CSMD1: variants seen among roughly 807,000 people sequenced by gnomAD.
CSMD1 encodes the protein CUB and Sushi multiple domains 1.
Under a neutral mutation model 417.5 loss-of-function variants are expected in CSMD1, and 213 were observed. The ratio of observed to expected loss-of-function variants is 0.51; its 90% CI spans 0.46 to 0.57. The LOEUF (loss-of-function observed/expected upper bound fraction) is 0.57, where lower values mean the gene tolerates loss of function less well. Ranked by LOEUF, CSMD1 falls within the 20% of genes least tolerant of loss-of-function variation. The probability of loss-of-function intolerance (pLI) is 0.00; values close to 1 mark genes in which losing one functional copy is unlikely to be tolerated. For missense variants in CSMD1, 6,923 were observed against 4,529.7 expected (o/e 1.53, Z -15.17); for synonymous variants, 2,862 against 1,736.8 (o/e 1.65, Z -16.11).
chr8:4,288,351 C>G (rs372125417), intron 3 of CSMD1, among the ~76,000 whole-genome samples: 7 of 152,246 alleles, frequency 4.6e-5, no homozygotes, highest in African/African-American at 1.7e-4. Flanking sequence ...TTTTCTTAAG[C>G]AAACCTTAAT....
chr8:3,599,266 C>T (rs1485025070), intron 8 of CSMD1, among the ~76,000 whole-genome samples: 1 of 151,858 alleles, frequency 6.6e-6, no homozygotes, highest in Non-Finnish European at 1.5e-5. Context: ...TGAATGTATC[C>T]ACCTCCTCAT....
chr8:4,019,607 A>T (rs1307956417), intron 4 of CSMD1, among the ~76,000 whole-genome samples: 1 of 152,150 alleles, frequency 6.6e-6, no homozygotes, highest in African/African-American at 2.4e-5. Context: ...TTGTTGTCAG[A>T]AGACAAGTGA....
intron 2 of CSMD1, among the ~76,000 whole-genome samples, chr8:4,467,233 G>A (rs550672166): frequency 6.6e-6 from 1 of 152,078 alleles, no homozygotes; most frequent in East Asian, 1.9e-4. Flanking sequence ...AAAGCTCCCA[G>A]GGACACATTC....
intron 18 of CSMD1, among the ~76,000 whole-genome samples, chr8:3,380,810 C>G (rs1810582397): frequency 6.6e-6 from 1 of 151,612 alleles, no homozygotes; most frequent in South Asian, 2.1e-4. Context: ...TTGTTGGGTG[C>G]AGCAAAACAC....
At chr8:4,736,504 C>G (rs552596092) in intron 1 of CSMD1, among the ~76,000 whole-genome samples, 5 of 152,080 alleles carry the variant, frequency 3.3e-5, no homozygotes, top group Non-Finnish European at 7.4e-5. Context: ...AACTCAGATA[C>G]TCAAGCATAC....
chr8:3,124,542 TAG>T (rs1817385958), intron 41 of CSMD1, among the ~76,000 whole-genome samples: 2 of 152,178 alleles, frequency 1.3e-5, no homozygotes, highest in South Asian at 4.1e-4. Context: ...GTTCTAAACA[TAG>T]AAAGAGTTCA....
At chr8:4,964,348 AC>A (rs1297099703) in intron 1 of CSMD1, among the ~76,000 whole-genome samples, 1 of 151,768 alleles carries the variant, frequency 6.6e-6, no homozygotes, top group African/African-American at 2.4e-5. Flanking sequence ...TCCCATTTCT[AC>A]AAAAAGTACA....
At chr8:3,843,394 T>C (rs1484214751) in intron 5 of CSMD1, among the ~76,000 whole-genome samples, 2 of 152,194 alleles carry the variant, frequency 1.3e-5, no homozygotes, top group Admixed American at 1.3e-4. Context: ...TAAGCAAAGA[T>C]ATTTCAGATA....
At chr8:3,918,818 C>G (rs1250241235) in intron 5 of CSMD1, among the ~76,000 whole-genome samples, 2 of 151,884 alleles carry the variant, frequency 1.3e-5, no homozygotes, top group Non-Finnish European at 2.9e-5. Context: ...TAAATGGGAG[C>G]CAAACTATGA....
chr8:3,189,001 A>G lies in CSMD1; in HGVS notation c.5409T>C (p.Ser1803=). 6.2e-7 allele frequency: 1 copy of G among 1,612,558 alleles called. No individual in the cohort carries two copies. The highest frequency in any genetic ancestry group is 8.5e-7 in the Non-Finnish European group (1 of 1,179,134). Residue 1803 remains serine (S), a synonymous_variant, in exon 35 of 70, where the codon AGT becomes AGC. Coordinates refer to ENST00000635120, the MANE Select transcript of CSMD1 (RefSeq NM_033225.6). The part of the protein sequence containing the change: ...DTIPSCVVPC[S]GNFTQRRGTI... ...TACCTCTTCGTTGAGTGAAATTGCCACTGCAGGGTACTAAAAGACACAACC... is the reference window on the plus strand; with the variant it reads ...TACCTCTTCGTTGAGTGAAATTGCCGCTGCAGGGTACTAAAAGACACAACC...
chr8:3,977,153 T>C lies in CSMD1; in HGVS notation c.818+20750A>G, dbSNP rs1052812305. On this transcript the variant is annotated intron_variant, in intron 5 of 69. Coordinates refer to ENST00000635120, the MANE Select transcript of CSMD1 (RefSeq NM_033225.6). ...TGAAACTTTCATGATGAACATTTTC[T>C]CAATCTCTTGGGCTGAAGCAATCTT... 7.9e-5 allele frequency among the ~76,000 whole-genome samples: 12 copies of C among 152,320 alleles called. 1 individual carries two copies. The highest frequency in any genetic ancestry group is 6.8e-3 in the Middle Eastern group (2 of 294).
chr8:4,746,892 G>C (rs918631524), intron 1 of CSMD1, among the ~76,000 whole-genome samples: 4 of 152,188 alleles, frequency 2.6e-5, no homozygotes, highest in Non-Finnish European at 2.9e-5. Context: ...AATTGACTTA[G>C]ATCATAAAAG....
At chr8:4,648,791 C>A (rs747785586) in intron 1 of CSMD1, among the ~76,000 whole-genome samples, 1 of 152,110 alleles carries the variant, frequency 6.6e-6, no homozygotes, top group South Asian at 2.1e-4. Context: ...CATCAGATGC[C>A]GGCTGATGCC....
At chr8:3,531,553 G>T (rs934362225) in intron 10 of CSMD1, among the ~76,000 whole-genome samples, 2 of 152,190 alleles carry the variant, frequency 1.3e-5, no homozygotes, top group East Asian at 1.9e-4. Context: ...AGAAGTTCTG[G>T]GAGCCCTGCC....
chr8:3,972,194 C>T (rs2130092827), intron 5 of CSMD1, among the ~76,000 whole-genome samples: 1 of 151,930 alleles, frequency 6.6e-6, no homozygotes, highest in East Asian at 1.9e-4. Flanking sequence ...GATGTGATTT[C>T]CTATCACTTT....
chr8:4,647,492 T>C lies in CSMD1; in HGVS notation c.86-9934A>G, dbSNP rs562172307. Among the ~76,000 whole-genome samples, 434 of 133,600 alleles carry C rather than the reference T, an allele frequency of 3.2e-3. 6 individuals are homozygous for C. The highest frequency in any genetic ancestry group is 0.013 in the African/African-American group (409 of 31,848). The allele number at this position is 133,600 out of a possible 152,430, so 87.6% of individuals were successfully genotyped here. ...CGTAGGTACGCGTGTGCCATGGTGG[T>C]TTGTTACGTAGGTACGCGTGTGCCA... is the stretch of plus-strand genomic sequence containing the variant. On this transcript the variant is annotated intron_variant, in intron 1 of 69. Transcript: ENST00000635120.
chr8:3,416,317 A>AG (rs1192375386), intron 12 of CSMD1, among the ~76,000 whole-genome samples: 5 of 148,886 alleles, frequency 3.4e-5, no homozygotes, highest in African/African-American at 5.2e-5. Flanking sequence ...AAAAAAAAAA[A>AG]AAAAAAAAAG....
chr8:3,213,818 A>G (rs529598497), intron 30 of CSMD1, among the ~76,000 whole-genome samples: 14 of 149,620 alleles, frequency 9.4e-5, no homozygotes, highest in African/African-American at 3.0e-4. Context: ...ATATATATAT[A>G]TGTGTGTCTG....
At chr8:4,719,840 A>G (rs1676970) in intron 1 of CSMD1, among the ~76,000 whole-genome samples, 43,606 of 152,024 alleles carry the variant, frequency 0.29, 7,363 homozygotes, top group African/African-American at 0.47. Context: ...ATTTTATCTC[A>G]TTAAAGTAGT....
Sources: gnomAD v4.1 joint callset for allele counts (sites outside exome capture counted in the v4.1 genomes callset) on GRCh38, gnomAD v4.1.1 for gene constraint, MANE v1.5 for transcripts, NCBI Gene and HGNC (gene_info 2026-07-23, HGNC 2026-07-21) for gene names.